The following DSCAM variants were observed in gnomAD, a reference collection of about 807,000 sequenced individuals.
DSCAM encodes DS cell adhesion molecule.
DSCAM carries 47 observed loss-of-function variants against 217.7 expected under a neutral mutation model. That is an observed-to-expected ratio of 0.22 (90% CI 0.17 to 0.28). The LOEUF (loss-of-function observed/expected upper bound fraction) is 0.28, where lower values mean the gene tolerates loss of function less well. Among genes scored for constraint, DSCAM ranks in the 10% least tolerant of loss-of-function variants. The pLI is 1.00. For missense variants in DSCAM, 2,080 were observed against 2,618.3 expected, an observed-to-expected ratio of 0.79 and a Z score of 4.49; for synonymous variants, 1,056 against 1,015.3, an observed-to-expected ratio of 1.04 and a Z score of -0.76.
chr21:40,174,076 G>A (rs564186967), intron 15 of DSCAM, among the ~76,000 whole-genome samples: 3 of 152,258 alleles, frequency 2.0e-5, no homozygotes, highest in African/African-American at 7.2e-5. Context: ...TGGCTGATCC[G>A]TGTCAAAGAG....
At chr21:40,371,215 G>GATAGGA (rs969649613) in intron 3 of DSCAM, among the ~76,000 whole-genome samples, 2 of 152,040 alleles carry the variant, frequency 1.3e-5, no homozygotes, top group Admixed American at 1.3e-4. Context: ...GTATATTCCA[G>GATAGGA]ATAATTTTGC....
At chr21:40,342,648 ATTTTT>A (rs1202355440) in intron 6 of DSCAM, among the ~76,000 whole-genome samples, 1 of 80,322 alleles carries the variant, frequency 1.2e-5, no homozygotes, top group African/African-American at 5.2e-5. Flanking sequence ...ATATATATAT[ATTTTT>A]TTTTTTTTTT....
At chr21:40,329,005 G>GA (rs1372557719) in intron 8 of DSCAM, among the ~76,000 whole-genome samples, 2 of 151,968 alleles carry the variant, frequency 1.3e-5, no homozygotes, top group Non-Finnish European at 2.9e-5. Flanking sequence ...TAAAAAACAT[G>GA]AAAAAAACAA....
chr21:40,674,096 T>C (rs1438766621), intron 3 of DSCAM, among the ~76,000 whole-genome samples: 1 of 152,242 alleles, frequency 6.6e-6, no homozygotes, highest in Non-Finnish European at 1.5e-5. Flanking sequence ...CTAAAATTTT[T>C]TGAACCAGAA....
intron 1 of DSCAM, among the ~76,000 whole-genome samples, chr21:40,830,521 A>G (rs1337967681): frequency 6.6e-6 from 1 of 152,166 alleles, no homozygotes; most frequent in Admixed American, 6.5e-5. Context: ...CAGCTGACCT[A>G]TCTGGGGCTC....
intron 19 of DSCAM, 83 bp from the exon 20 acceptor site, chr21:40,124,411 G>C: frequency 6.4e-7 from 1 of 1,551,622 alleles, no homozygotes; most frequent in Non-Finnish European, 8.8e-7. Context: ...ACCCCACTCC[G>C]CACTTACTGT....
In DSCAM at chr21:40,733,446, T is replaced by C. The variant is rs115401726; in HGVS notation, c.44-24675A>G. Reference sequence around the variant, plus strand: ...CAATGTTTGGAGATACTGTTGATTGTCATGAGGGAGGGTTTGGGGAGTGCT... The same window carrying C: ...CAATGTTTGGAGATACTGTTGATTGCCATGAGGGAGGGTTTGGGGAGTGCT... On this transcript the variant is annotated intron_variant, in intron 1 of 32. Coordinates refer to ENST00000400454, the MANE Select transcript of DSCAM (RefSeq NM_001389.5). Among the ~76,000 whole-genome samples the C allele has an allele frequency of 4.8e-3, 724 of 152,316 alleles. 3 individuals carry two copies. Among genetic ancestry groups the C allele is most frequent in the African/African-American group, 0.017 (693 of 41,574 alleles).
intron 16 of DSCAM, among the ~76,000 whole-genome samples, chr21:40,159,946 C>T (rs2090521814): frequency 6.6e-6 from 1 of 152,196 alleles, no homozygotes; most frequent in South Asian, 2.1e-4. Flanking sequence ...AATTTCACCA[C>T]ATTTACATTT....
intron 20 of DSCAM, among the ~76,000 whole-genome samples, chr21:40,105,465 G>A (rs780461794): frequency 1.3e-4 from 20 of 152,176 alleles, no homozygotes; most frequent in African/African-American, 4.6e-4. Context: ...GTGACAGTGA[G>A]TGAGTTCTCA....
chr21:40,669,588 A>AT (rs1213287674), intron 3 of DSCAM, among the ~76,000 whole-genome samples: 1 of 22,164 alleles, frequency 4.5e-5, no homozygotes, highest in African/African-American at 5.9e-5. Flanking sequence ...GTTGTTATAT[A>AT]TATTTTTTTT....
chr21:40,572,118 T>C (rs991951755), intron 3 of DSCAM, among the ~76,000 whole-genome samples: 1 of 131,728 alleles, frequency 7.6e-6, no homozygotes, highest in African/African-American at 2.8e-5. Context: ...GTGTGTGTGT[T>C]TGTGTGTACA....
intron 8 of DSCAM, 26 bp from the exon 9 acceptor site, chr21:40,312,385 C>G: frequency 1.2e-6 from 2 of 1,607,912 alleles, no homozygotes; most frequent in South Asian, 1.1e-5. Context: ...AAGATAATAA[C>G]GAACTGTGCT....
At chr21:40,612,390 C>A (rs1293358815) in intron 3 of DSCAM, among the ~76,000 whole-genome samples, 1 of 152,084 alleles carries the variant, frequency 6.6e-6, no homozygotes, top group African/African-American at 2.4e-5. Context: ...AGTGTGACTA[C>A]CCAGAAAGCA....
intron 1 of DSCAM, among the ~76,000 whole-genome samples, chr21:40,772,172 G>A: frequency 6.6e-6 from 1 of 152,058 alleles, no homozygotes; most frequent in East Asian, 1.9e-4. Flanking sequence ...ATTTGTTTCT[G>A]TTTTTTTCTT....
At chr21:40,142,766 GAAAAAGCAACGTAT>G in intron 17 of DSCAM, 62 bp from the exon 18 acceptor site, 1 of 1,490,108 alleles carries the variant, frequency 6.7e-7, no homozygotes, top group Non-Finnish European at 9.0e-7. Flanking sequence ...AGCAATAACC[GAAAAAGCAACGTAT>G]TTTAATATTT....
At chr21:40,740,571 G>A (rs2091114222) in intron 1 of DSCAM, among the ~76,000 whole-genome samples, 1 of 152,154 alleles carries the variant, frequency 6.6e-6, no homozygotes, top group Admixed American at 6.5e-5. Context: ...AGCATTTGTT[G>A]AGTGCTGCTG....
chr21:40,592,375 A>G (rs2076990367), intron 3 of DSCAM, among the ~76,000 whole-genome samples: 1 of 152,210 alleles, frequency 6.6e-6, no homozygotes, highest in Non-Finnish European at 1.5e-5. Context: ...TATTTTTAAT[A>G]AGTTAAAGAG....
intron 3 of DSCAM, among the ~76,000 whole-genome samples, chr21:40,605,791 C>CTTTTT (rs755767800): frequency 0.013 from 817 of 62,000 alleles, 163 homozygotes; most frequent in African/African-American, 0.023. Flanking sequence ...AATGCACATT[C>CTTTTT]TTTTTTTTTT....
At chr21:40,276,404 G>A in intron 10 of DSCAM, 134 bp from the exon 11 acceptor site, 3 of 675,816 alleles carry the variant, frequency 4.4e-6, no homozygotes, top group African/African-American at 3.7e-5. Flanking sequence ...GATACACCAG[G>A]TTTTTCTTTC....
Sources: gnomAD v4.1 joint callset for allele counts (sites outside exome capture counted in the v4.1 genomes callset) on GRCh38, gnomAD v4.1.1 for gene constraint, MANE v1.5 for transcripts, NCBI Gene and HGNC (gene_info 2026-07-23, HGNC 2026-07-21) for gene names.